MPC1: variants seen among roughly 807,000 people sequenced by gnomAD.
MPC1 encodes the protein HSPC040 protein.
A neutral mutation model predicts 13.9 loss-of-function variants in MPC1; 6 were observed. The observed-to-expected ratio is 0.43, with a 90% confidence interval of 0.24 to 0.85. The LOEUF (loss-of-function observed/expected upper bound fraction) is 0.85, where lower values mean the gene tolerates loss of function less well. MPC1 is among the 40% of genes least tolerant of loss of function. The pLI, the probability that MPC1 is intolerant of heterozygous loss-of-function variation, is 0.24. For synonymous variants in MPC1, 47 were observed against 50.5 expected, an observed-to-expected ratio of 0.93 and a Z score of 0.29; for missense variants, 115 against 143.3, an observed-to-expected ratio of 0.80 and a Z score of 1.01.
chr6:166,366,123 A>C lies in MPC1; in HGVS notation c.173-17T>G, dbSNP rs1583055447. On this transcript the variant is annotated splice_polypyrimidine_tract_variant and intron_variant, in intron 3 of 4. Transcript: ENST00000360961. ...AACAGAGGGCTGCCAAAAATAGCAGAGCAAAGACAATCAATAACTTAGAAA... is the reference window on the plus strand; with the variant it reads ...AACAGAGGGCTGCCAAAAATAGCAGCGCAAAGACAATCAATAACTTAGAAA... The C allele has an allele frequency of 1.2e-6, 2 of 1,610,682 alleles. No individual in the cohort carries two copies. The highest frequency in any genetic ancestry group is 1.7e-6 in the Non-Finnish European group (2 of 1,177,712).
intron 1 of MPC1, chr6:166,381,935 T>G: frequency 4.4e-5 from 21 of 474,368 alleles, no homozygotes; most frequent in South Asian, 9.2e-5. Flanking sequence ...AGAAGCGCGC[T>G]GGGCGCACCC....
rs746221035 is a variant in MPC1 at position 166,366,906 on chromosome 6, A to G, written c.76-15T>C. 1.2e-6 allele frequency: 2 copies of G among 1,613,846 alleles called. No individual in the cohort carries two copies. The highest frequency in any genetic ancestry group is 2.2e-5 in the South Asian group (2 of 91,074). On this transcript the variant is annotated splice_polypyrimidine_tract_variant and intron_variant, in intron 2 of 4. Transcript: ENST00000360961. ...CCCCAGAAGTGCTACAAAAAATGAGAGGAAAAGAATGAAGAGAGGAAAAAG... is the reference window on the plus strand; with the variant it reads ...CCCCAGAAGTGCTACAAAAAATGAGGGGAAAAGAATGAAGAGAGGAAAAAG...
In MPC1 at chr6:166,365,290, T is replaced by C; in HGVS notation, c.*139A>G. The C allele has an allele frequency of 1.5e-6, 1 of 671,960 alleles. No individual in the cohort carries two copies. The allele number at this position is 671,960 out of a possible 1,614,324, so 41.6% of individuals were successfully genotyped here. A position where few individuals can be genotyped will look rare whatever the true frequency, so the allele number is the denominator to read the frequency against. On this transcript the variant is annotated 3_prime_UTR_variant, in exon 5 of 5. Coordinates refer to ENST00000360961, the MANE Select transcript of MPC1 (RefSeq NM_016098.4). This position sits in a 1 kb window ranked among gnomAD's most constrained non-coding sequence, Gnocchi z 4.2. ...GAGAGTTGGTTTAGAAACTCTCAGC[T>C]ATTTCTATAAAAATAGAATGGTTAG...
chr6:166,368,781 C>A, intron 2 of MPC1: 1 of 985,338 alleles, frequency 1.0e-6, no homozygotes, highest in Non-Finnish European at 1.2e-6. Flanking sequence ...TTTTTCAACT[C>A]TCTATTATTC....
chr6:166,366,348 G>A (rs546777710), intron 3 of MPC1, among the ~76,000 whole-genome samples: 20 of 152,206 alleles, frequency 1.3e-4, no homozygotes, highest in Admixed American at 1.2e-3. Flanking sequence ...TTCCGAGCAA[G>A]AGTAGGCTGA....
intron 1 of MPC1, among the ~76,000 whole-genome samples, chr6:166,370,679 C>A (rs1401581814): frequency 2.6e-5 from 4 of 152,166 alleles, no homozygotes; most frequent in Middle Eastern, 6.8e-3. Context: ...CATAGTGAGA[C>A]CCCATCTATA....
Position 166,376,182 on chromosome 6 carries a change from A to G in MPC1, c.72-5961T>C, listed in dbSNP as rs370591248. Among the ~76,000 whole-genome samples the G allele has an allele frequency of 3.1e-3, 469 of 150,536 alleles. 1 individual carries two copies. Among genetic ancestry groups the G allele is most frequent in the South Asian group, 4.8e-3 (23 of 4,782 alleles). ...TGTGTGTGTGTGTGTGTGTGTGTATATATATATAATTTTTAATGGAAATTG... is the reference window on the plus strand; with the variant it reads ...TGTGTGTGTGTGTGTGTGTGTGTATGTATATATAATTTTTAATGGAAATTG... On this transcript the variant is annotated intron_variant, in intron 1 of 4. Coordinates refer to ENST00000360961, the MANE Select transcript of MPC1 (RefSeq NM_016098.4).
chr6:166,381,873 G>A (rs2114984593), intron 1 of MPC1: 2 of 955,624 alleles, frequency 2.1e-6, no homozygotes, highest in Non-Finnish European at 2.5e-6. Flanking sequence ...TCCTTAGAAT[G>A]AGAAAACCGA....
intron 1 of MPC1, among the ~76,000 whole-genome samples, chr6:166,381,626 T>G (rs555853078): frequency 6.6e-6 from 1 of 152,288 alleles, no homozygotes; most frequent in East Asian, 1.9e-4. Context: ...CAAAGTTATA[T>G]TCAATATTTT....
chr6:166,370,241 C>T lies in MPC1; in HGVS notation c.72-20G>A, dbSNP rs199844593. On this transcript the variant is annotated intron_variant, in intron 1 of 4. Transcript: ENST00000360961. The stretch of plus-strand genomic sequence containing the variant: ...ACCGTACTATTTTGTGAAGAGTCAC[C>T]GAAGTTCAGACAGGACAGACATGGA... The T allele has an allele frequency of 5.2e-6, 4 of 772,360 alleles. No individual in the cohort carries two copies. Among genetic ancestry groups the T allele is most frequent in the East Asian group, 2.4e-5 (1 of 41,100 alleles). The allele number at this position is 772,360 out of a possible 1,614,324, so 47.8% of individuals were successfully genotyped here.
Position 166,382,811 on chromosome 6 carries a change from G to C in MPC1, c.66C>G (p.Leu22=), listed in dbSNP as rs1347339999. ...YVRSKDFRDY[L]MSTHFWGPVA... ...CGGCCTGCGGCGCTCGTCACCTCAT[G>C]AGGTAGTCCCGGAAATCCTTGCTTC... is the stretch of plus-strand genomic sequence containing the variant. Residue 22 remains leucine, a synonymous_variant, in exon 1 of 5, where the codon CTC becomes CTG. Transcript: ENST00000360961. 4 of 1,595,158 alleles carry C rather than the reference G, an allele frequency of 2.5e-6. No individual in the cohort carries two copies. The highest frequency in any genetic ancestry group is 3.3e-4 in the Middle Eastern group (2 of 6,026).
At chr6:166,368,036 ATAAGTATT>A (rs1779226684) in intron 2 of MPC1, among the ~76,000 whole-genome samples, 1 of 152,218 alleles carries the variant, frequency 6.6e-6, no homozygotes, top group South Asian at 2.1e-4. Context: ...AGCCATCACC[ATAAGTATT>A]TCAGGGTTTA....
At chr6:166,373,906 C>G (rs1030445819) in intron 1 of MPC1, among the ~76,000 whole-genome samples, 1 of 152,180 alleles carries the variant, frequency 6.6e-6, no homozygotes, top group East Asian at 1.9e-4. Context: ...CATCTGAACA[C>G]GGAGAGGTAT....
At chr6:166,366,385 T>G (rs1457380502) in intron 3 of MPC1, among the ~76,000 whole-genome samples, 1 of 152,248 alleles carries the variant, frequency 6.6e-6, no homozygotes, top group South Asian at 2.1e-4. Flanking sequence ...TTTTTTTGTC[T>G]CCTGGAGTTG....
intron 1 of MPC1, among the ~76,000 whole-genome samples, chr6:166,380,939 C>CA (rs1175434820): frequency 0.076 from 3,588 of 47,316 alleles, 237 homozygotes; most frequent in African/African-American, 0.11. Context: ...AACTCTGTCT[C>CA]AAAAAAAAAA....
chr6:166,379,424 T>C (rs1583072807), intron 1 of MPC1, among the ~76,000 whole-genome samples: 1 of 152,018 alleles, frequency 6.6e-6, no homozygotes, highest in Admixed American at 6.6e-5. Context: ...AGCCCAGGAG[T>C]GGGAGGTTAC....
At chr6:166,366,678 C>A (rs1779167195) in intron 3 of MPC1, 117 bp downstream of exon 3, 3 of 935,270 alleles carry the variant, frequency 3.2e-6, no homozygotes, top group Non-Finnish European at 5.0e-6. Context: ...CATGCCATCA[C>A]ATTCTGTATG....
At position 166,365,032 on chromosome 6, in the gene MPC1, G is replaced by A. The variant is rs971617672; in HGVS notation, c.*397C>T. 9.2e-5 allele frequency: 15 copies of A among 162,966 alleles called. No homozygotes were observed. Among genetic ancestry groups the A allele is most frequent in the African/African-American group, 2.6e-4 (11 of 41,850 alleles). The allele number at this position is 162,966 out of a possible 1,614,324, so 10.1% of individuals were successfully genotyped here. ...ACAGTGGGGACAAAATTTTAAGTACGTGGCCAGCTGTTGGTTGTCTTGTGG... is the reference window on the plus strand; with the variant it reads ...ACAGTGGGGACAAAATTTTAAGTACATGGCCAGCTGTTGGTTGTCTTGTGG... On this transcript the variant is annotated 3_prime_UTR_variant, in exon 5 of 5. Coordinates refer to ENST00000360961, the MANE Select transcript of MPC1 (RefSeq NM_016098.4). This position sits in a 1 kb window ranked among gnomAD's most constrained non-coding sequence, Gnocchi z 4.2.
chr6:166,380,510 A>G (rs2114980523), intron 1 of MPC1, among the ~76,000 whole-genome samples: 1 of 152,372 alleles, frequency 6.6e-6, no homozygotes, highest in Middle Eastern at 3.4e-3. Context: ...TTAGAAAAAA[A>G]GGTTAGATGA....
Sources: gnomAD v4.1 joint callset for allele counts (sites outside exome capture counted in the v4.1 genomes callset) on GRCh38, gnomAD v4.1.1 for gene constraint, Gnocchi (gnomAD v3.1) non-coding constraint, MANE v1.5 for transcripts, NCBI Gene and HGNC (gene_info 2026-07-23, HGNC 2026-07-21) for gene names.